The following TENM3 variants were observed in gnomAD, a reference collection of about 807,000 sequenced individuals.
TENM3 encodes the protein teneurin-3.
A neutral mutation model predicts 255.1 loss-of-function variants in TENM3; 63 were observed. The observed-to-expected ratio is 0.25, with a 90% confidence interval of 0.20 to 0.30. The LOEUF is 0.30. Among genes scored for constraint, TENM3 ranks in the 10% least tolerant of loss-of-function variants. TENM3 has a pLI of 1.00. For synonymous variants in TENM3, 1,306 were observed against 1,322.3 expected, an observed-to-expected ratio of 0.99 and a Z score of 0.27; for missense variants, 2,929 against 3,461.1, an observed-to-expected ratio of 0.85 and a Z score of 3.86.
chr4:181,576,900 G>A, the TENM3 span, among the ~76,000 whole-genome samples: 2 of 130,496 alleles, frequency 1.5e-5, no homozygotes, highest in African/African-American at 5.9e-5. Flanking sequence ...CGCAACCTCT[G>A]CCTCCCGGGT....
the TENM3 span, among the ~76,000 whole-genome samples, chr4:181,539,293 T>G: frequency 6.6e-6 from 1 of 152,254 alleles, no homozygotes; most frequent in African/African-American, 2.4e-5. Flanking sequence ...TTTTCTAAAT[T>G]ACTAAAAATT....
chr4:182,744,098 T>TTC (rs1761824795), intron 19 of TENM3: 1 of 824,828 alleles, frequency 1.2e-6, no homozygotes, highest in Admixed American at 6.2e-5. Context: ...GCTTTCTTTT[T>TTC]TTTTTTTTTT....
intron 3 of TENM3, among the ~76,000 whole-genome samples, chr4:182,545,138 C>T (rs1741303497): frequency 6.6e-6 from 1 of 152,052 alleles, no homozygotes; most frequent in Non-Finnish European, 1.5e-5. Flanking sequence ...TCTAAGATGC[C>T]ATCTAGTTCT....
chr4:181,878,001 T>C, the TENM3 span, among the ~76,000 whole-genome samples: 3 of 152,138 alleles, frequency 2.0e-5, no homozygotes, highest in African/African-American at 7.2e-5. Context: ...CTGATGCACA[T>C]TGCGGTGTTA....
chr4:181,608,704 C>G, the TENM3 span, among the ~76,000 whole-genome samples: 1 of 152,232 alleles, frequency 6.6e-6, no homozygotes, highest in Admixed American at 6.5e-5. Context: ...GTAGAAGATC[C>G]TTGAATGTTA....
chr4:182,237,456 C>T (rs1164811806), intron 1 of TENM3, among the ~76,000 whole-genome samples: 2 of 150,512 alleles, frequency 1.3e-5, no homozygotes, highest in Non-Finnish European at 2.9e-5. Flanking sequence ...ACTTCTGCCT[C>T]CTGGGTTCAA....
chr4:181,852,320 A>T, the TENM3 span, among the ~76,000 whole-genome samples: 1 of 152,206 alleles, frequency 6.6e-6, no homozygotes, highest in Admixed American at 6.5e-5. Flanking sequence ...TTCGTTTATT[A>T]TTCAACAAAC....
chr4:181,950,068 T>A, the TENM3 span, among the ~76,000 whole-genome samples: 1 of 152,114 alleles, frequency 6.6e-6, no homozygotes, highest in Non-Finnish European at 1.5e-5. Flanking sequence ...ACAAAAGAAG[T>A]TAATATGCCC....
the TENM3 span, among the ~76,000 whole-genome samples, chr4:181,457,768 A>C: frequency 6.6e-6 from 1 of 151,890 alleles, no homozygotes; most frequent in Non-Finnish European, 1.5e-5. Context: ...AATTGAATTT[A>C]AATTCTTATT....
chr4:181,809,830 G>T, the TENM3 span, among the ~76,000 whole-genome samples: 710 of 152,228 alleles, frequency 4.7e-3, 9 homozygotes, highest in African/African-American at 0.016. Context: ...AAGCAGAGAC[G>T]ATGTGGCCCT....
the TENM3 span, among the ~76,000 whole-genome samples, chr4:181,888,494 G>GTATATATATA: frequency 0.018 from 490 of 27,930 alleles, 13 homozygotes; most frequent in Middle Eastern, 0.028. Context: ...ATAGAAATGT[G>GTATATATATA]TATATATATA....
At chr4:181,860,327 G>A in the TENM3 span, among the ~76,000 whole-genome samples, 3 of 152,102 alleles carry the variant, frequency 2.0e-5, no homozygotes, top group African/African-American at 7.2e-5. Context: ...CTCCCAGTTG[G>A]CTTCTCCAGA....
chr4:181,991,193 A>T, the TENM3 span, among the ~76,000 whole-genome samples: 4 of 152,212 alleles, frequency 2.6e-5, no homozygotes, highest in Non-Finnish European at 5.9e-5. Context: ...GGAAGAAAAA[A>T]TGCTCCCCTA....
the TENM3 span, among the ~76,000 whole-genome samples, chr4:181,858,152 G>A: frequency 2.0e-5 from 3 of 152,174 alleles, no homozygotes; most frequent in South Asian, 2.1e-4. Flanking sequence ...AGGCTGGAGC[G>A]CAGTGGTGCA....
chr4:181,618,332 G>A, the TENM3 span, among the ~76,000 whole-genome samples: 1 of 152,150 alleles, frequency 6.6e-6, no homozygotes, highest in African/African-American at 2.4e-5. Context: ...TTCATTCAGG[G>A]AAAGCAGCAA....
chr4:182,480,436 T>C (rs719629), intron 3 of TENM3, among the ~76,000 whole-genome samples: 37,676 of 151,966 alleles, frequency 0.25, 4,825 homozygotes, highest in Non-Finnish European at 0.29. Context: ...AGTTTTCTAA[T>C]GATGTTTTTC....
chr4:182,729,527 G>A (rs1333583701), intron 14 of TENM3, among the ~76,000 whole-genome samples: 1 of 151,180 alleles, frequency 6.6e-6, no homozygotes, highest in African/African-American at 2.4e-5. Flanking sequence ...TTTTTTAGCT[G>A]AGCTCACTAA....
chr4:181,844,665 C>A, the TENM3 span, among the ~76,000 whole-genome samples: 1 of 147,958 alleles, frequency 6.8e-6, no homozygotes, highest in Non-Finnish European at 1.5e-5. Flanking sequence ...GAGACTCCGT[C>A]TCAAAAAAAT....
chr4:182,114,271 AT>A, the TENM3 span, among the ~76,000 whole-genome samples: 6 of 133,070 alleles, frequency 4.5e-5, no homozygotes, highest in Non-Finnish European at 6.6e-5. Flanking sequence ...TAGTCCAAGA[AT>A]TTTTTGACAA....
Sources: allele counts gnomAD v4.1 joint callset (sites outside exome capture counted in the v4.1 genomes callset), GRCh38; gene constraint gnomAD v4.1.1; transcripts MANE v1.5; gene names NCBI Gene and HGNC (gene_info 2026-07-23, HGNC 2026-07-21).